CBX5: variants seen among roughly 807,000 people sequenced by gnomAD.
CBX5 encodes the protein chromobox protein homolog 5.
A neutral mutation model predicts 20.7 loss-of-function variants in CBX5; 7 were observed. The observed-to-expected ratio is 0.34, with a 90% CI of 0.19 to 0.63. The LOEUF is 0.63. CBX5 is among the 30% of genes least tolerant of loss of function. CBX5 has a pLI of 0.75. For missense variants in CBX5, 110 were observed against 224.1 expected, an observed-to-expected ratio of 0.49 and a Z score of 3.25; for synonymous variants, 78 against 77.0, an observed-to-expected ratio of 1.01 and a Z score of -0.07.
rs1408438740 is a variant in CBX5 at position 54,257,269 on chromosome 12, G to A, written c.137+245C>T. 2.0e-5 allele frequency among the ~76,000 whole-genome samples: 3 copies of A among 152,168 alleles called. 1 individual carries two copies. The highest frequency in any genetic ancestry group is 4.4e-5 in the Non-Finnish European group (3 of 68,044). Reference sequence around the variant, plus strand: ...TGGTGGAGTTAGAATCTAGACCCAAGCAATCTGACTCTCGAGTCTGTGCTC... The same window carrying A: ...TGGTGGAGTTAGAATCTAGACCCAAACAATCTGACTCTCGAGTCTGTGCTC... On this transcript the variant is annotated intron_variant, in intron 2 of 4. Transcript: ENST00000209875.
At chr12:54,266,093 G>C (rs1233066014) in intron 1 of CBX5, among the ~76,000 whole-genome samples, 1 of 148,400 alleles carries the variant, frequency 6.7e-6, no homozygotes, top group Non-Finnish European at 1.5e-5. Context: ...GTGAGCAAGG[G>C]AGTAAAGGGC....
rs987590474 is a variant in CBX5 at position 54,241,689 on chromosome 12, A to C, written c.*66T>G. The C allele has an allele frequency of 2.7e-6, 4 of 1,476,432 alleles. No homozygotes were observed. The Admixed American group carries it at 8.5e-5, about 31-fold the overall frequency. The allele number at this position is 1,476,432 out of a possible 1,614,324, so 91.5% of individuals were successfully genotyped here. On this transcript the variant is annotated 3_prime_UTR_variant, in exon 5 of 5. Transcript: ENST00000209875. The stretch of plus-strand genomic sequence containing the variant: ...TTTAGGATAGAAAGGGGTGGGTAGA[A>C]AGGAGAGGAGGCAGGGAGGTGAATG...
At position 54,257,525 on chromosome 12, in the gene CBX5, T is replaced by C. The variant is rs200074541; in HGVS notation, c.126A>G (p.Lys42=). 52 of 1,614,058 alleles carry C rather than the reference T, an allele frequency of 3.2e-5. No individual in the cohort carries two copies. Among genetic ancestry groups the C allele is most frequent in the Admixed American group, 6.7e-5 (4 of 60,000 alleles). Residue 42 remains lysine (K), a synonymous_variant, in exon 2 of 5, where the codon AAA becomes AAG. Transcript: ENST00000209875. Reference sequence around the variant, plus strand: ...AAAAAGGAACTTACTCAGAAAAGCCTTTCCACTTCAGTAGATATTCCACTT... The same window carrying C: ...AAAAAGGAACTTACTCAGAAAAGCCCTTCCACTTCAGTAGATATTCCACTT... ...KGQVEYLLKW[K]GFSEEHNTWE...
rs1943671717 is a variant in CBX5 at position 54,241,105 on chromosome 12, A to G, written c.*650T>C. ...CTGGGGCTAAAAAGAGTGTCTTGAC[A>G]GATTTCAGTGTAAAATTTCAAATCT... On this transcript the variant is annotated 3_prime_UTR_variant, in exon 5 of 5. Coordinates refer to ENST00000209875, the MANE Select transcript of CBX5 (RefSeq NM_012117.3). 6.6e-6 allele frequency: 1 copy of G among 152,326 alleles called. No individual in the cohort carries two copies. The highest frequency in any genetic ancestry group is 1.5e-5 in the Non-Finnish European group (1 of 68,042). The allele number at this position is 152,326 out of a possible 1,614,324, so 9.4% of individuals were successfully genotyped here.
chr12:54,256,333 C>T (rs944129960), intron 2 of CBX5, among the ~76,000 whole-genome samples: 4 of 152,164 alleles, frequency 2.6e-5, no homozygotes, highest in African/African-American at 9.7e-5. Flanking sequence ...GATTGTTGTG[C>T]TACCCATACT....
At chr12:54,264,806 G>A (rs1197497943) in intron 1 of CBX5, among the ~76,000 whole-genome samples, 1 of 151,768 alleles carries the variant, frequency 6.6e-6, no homozygotes, top group Admixed American at 6.6e-5. Context: ...TTGCGCCACT[G>A]CACTCTAGCC....
At chr12:54,244,032 C>T (rs985477621) in intron 4 of CBX5, among the ~76,000 whole-genome samples, 3 of 151,000 alleles carry the variant, frequency 2.0e-5, no homozygotes, top group Admixed American at 1.3e-4. Context: ...GACAGAGTCT[C>T]GCTCTGTTGC....
intron 1 of CBX5, chr12:54,262,520 T>C (rs1040736924): frequency 2.6e-5 from 4 of 152,940 alleles, no homozygotes; most frequent in African/African-American, 9.7e-5. Flanking sequence ...GTCTTGTAAA[T>C]CTCCTAGACA....
chr12:54,255,320 G>A (rs1001968816), intron 2 of CBX5, among the ~76,000 whole-genome samples: 1 of 152,140 alleles, frequency 6.6e-6, no homozygotes, highest in African/African-American at 2.4e-5. Flanking sequence ...AACACTTTGG[G>A]AGGCTGAGGT....
Position 54,235,342 on chromosome 12 carries a change from C to G in CBX5, c.*6413G>C, listed in dbSNP as rs568385984. 2.6e-4 allele frequency: 39 copies of G among 152,004 alleles called. No individual in the cohort carries two copies. Among genetic ancestry groups the G allele is most frequent in the African/African-American group, 8.9e-4 (37 of 41,458 alleles). The allele number at this position is 152,004 out of a possible 1,614,324, so 9.4% of individuals were successfully genotyped here. ...CTTAGAAATCACCCTCTCGGCCCGG[C>G]GGTGGCTCACGCCTGTAATCCCAGC... On this transcript the variant is annotated 3_prime_UTR_variant, in exon 5 of 5. Transcript: ENST00000209875.
intron 1 of CBX5, among the ~76,000 whole-genome samples, chr12:54,259,854 A>T (rs1943898925): frequency 6.6e-6 from 1 of 152,212 alleles, no homozygotes; most frequent in Admixed American, 6.5e-5. Context: ...AGCACTGTGA[A>T]TTAATCAATA....
At chr12:54,267,245 TAG>T (rs1394829816) in intron 1 of CBX5, among the ~76,000 whole-genome samples, 1 of 152,212 alleles carries the variant, frequency 6.6e-6, no homozygotes, top group Non-Finnish European at 1.5e-5. Flanking sequence ...TCATGAATCT[TAG>T]ATTTATACAT....
chr12:54,252,255 A>C (rs1412336344), intron 2 of CBX5, 28 bp from the exon 3 acceptor site: 1 of 1,522,220 alleles, frequency 6.6e-7, no homozygotes, highest in Admixed American at 2.3e-5. Flanking sequence ...GAAAATTAAA[A>C]AAAAAAGGGG....
At chr12:54,247,683 AT>A (rs566372820) in intron 3 of CBX5, among the ~76,000 whole-genome samples, 10 of 148,172 alleles carry the variant, frequency 6.7e-5, no homozygotes, top group Admixed American at 6.8e-5. Context: ...AAGCCAGGTA[AT>A]TTTTTTTTTT....
chr12:54,245,732 G>T (rs1943728911), intron 4 of CBX5, among the ~76,000 whole-genome samples: 1 of 152,120 alleles, frequency 6.6e-6, no homozygotes, highest in Non-Finnish European at 1.5e-5. Context: ...GGAGGTTGCG[G>T]TAAGCCGAGA....
intron 1 of CBX5, among the ~76,000 whole-genome samples, chr12:54,269,393 TTTTC>T (rs1943988111): frequency 6.6e-6 from 1 of 151,890 alleles, no homozygotes; most frequent in Admixed American, 6.6e-5. Context: ...GGGCTCAGAG[TTTTC>T]TTTTTCTTTT....
intron 1 of CBX5, chr12:54,272,996 T>C (rs1473183709): frequency 6.6e-6 from 1 of 152,198 alleles, no homozygotes; most frequent in Admixed American, 6.5e-5. Context: ...TCTTTAAAAA[T>C]AACATTTTCT....
chr12:54,265,399 G>T (rs963260774), intron 1 of CBX5, among the ~76,000 whole-genome samples: 1 of 152,228 alleles, frequency 6.6e-6, no homozygotes, highest in South Asian at 2.1e-4. Flanking sequence ...GTGGATTTAT[G>T]ATTTCCAAAG....
intron 2 of CBX5, among the ~76,000 whole-genome samples, chr12:54,254,638 A>C (rs1288107373): frequency 6.6e-6 from 1 of 152,112 alleles, no homozygotes; most frequent in East Asian, 1.9e-4. Flanking sequence ...GGATCACCTG[A>C]GGTCAGGAGG....
Sources: allele counts gnomAD v4.1 joint callset (sites outside exome capture counted in the v4.1 genomes callset), GRCh38; gene constraint gnomAD v4.1.1; transcripts MANE v1.5; gene names NCBI Gene and HGNC (gene_info 2026-07-23, HGNC 2026-07-21).